The following AAMDC variants were observed in gnomAD, a reference collection of about 807,000 sequenced individuals.
AAMDC encodes the protein adipogenesis associated Mth938 domain containing, also known as mth938 domain-containing protein.
In AAMDC, 16 loss-of-function variants were observed where a neutral mutation model predicts 15.5. The ratio of observed to expected loss-of-function variants is 1.03; its 90% CI spans 0.70 to 1.57. The LOEUF is 1.57. AAMDC is among the 40% of genes most tolerant of loss of function. The probability of loss-of-function intolerance (pLI) is 0.00; values close to 1 mark genes in which losing one functional copy is unlikely to be tolerated. For synonymous variants in AAMDC, 51 were observed against 51.6 expected (o/e 0.99, Z 0.05); for missense variants, 141 against 144.9 (o/e 0.97, Z 0.14).
intron 2 of AAMDC, among the ~76,000 whole-genome samples, chr11:77,859,809 CTGGGT>C (rs1315088305): frequency 8.5e-5 from 13 of 152,170 alleles, no homozygotes; most frequent in Admixed American, 8.5e-4. Context: ...AGAAATGTGG[CTGGGT>C]TAAGAGTTGC....
At chr11:77,869,357 G>T (rs1400855472) in intron 2 of AAMDC, among the ~76,000 whole-genome samples, 1 of 137,636 alleles carries the variant, frequency 7.3e-6, no homozygotes, top group African/African-American at 2.8e-5. Context: ...GTGTTGCCCA[G>T]GATGGAGTGC....
At chr11:77,872,089 C>G (rs143888815) in intron 3 of AAMDC, 86 bp from the exon 4 acceptor site, 15,493 of 1,421,606 alleles carry the variant, frequency 0.011, 115 homozygotes, top group Non-Finnish European at 0.013. Context: ...CTGTCTAATT[C>G]TGTAGAGTAC....
At chr11:77,885,888 A>G (rs750001019) in intron 5 of AAMDC, among the ~76,000 whole-genome samples, 28 of 152,122 alleles carry the variant, frequency 1.8e-4, no homozygotes, top group Non-Finnish European at 3.5e-4. Flanking sequence ...CATGGGAAAA[A>G]CAAATGAACA....
intron 2 of AAMDC, among the ~76,000 whole-genome samples, chr11:77,867,551 G>C (rs1951174332): frequency 6.6e-6 from 1 of 152,208 alleles, no homozygotes; most frequent in Non-Finnish European, 1.5e-5. Context: ...ACAGAGTTAA[G>C]TTCTCAGTAA....
chr11:77,872,783 A>G (rs1476527285), downstream of AAMDC, among the ~76,000 whole-genome samples: 1 of 152,172 alleles, frequency 6.6e-6, no homozygotes, highest in Non-Finnish European at 1.5e-5. Flanking sequence ...CCCCATCTCT[A>G]TTAAAACTAC....
At chr11:77,852,004 A>G (rs1251872577) in intron 2 of AAMDC, among the ~76,000 whole-genome samples, 1 of 152,148 alleles carries the variant, frequency 6.6e-6, no homozygotes, top group Non-Finnish European at 1.5e-5. Context: ...ACATTCTGCC[A>G]CATTTGCTTT....
intron 1 of AAMDC, among the ~76,000 whole-genome samples, chr11:77,834,441 G>GTTTTTT (rs11438814): frequency 1.6e-3 from 166 of 105,406 alleles, no homozygotes; most frequent in Non-Finnish European, 1.8e-3. Flanking sequence ...AGTTGATTTT[G>GTTTTTT]TTTTTTTTTT....
At chr11:77,900,459 C>T (rs1186460179) in intron 5 of AAMDC, 20 of 550,570 alleles carry the variant, frequency 3.6e-5, no homozygotes, top group African/African-American at 2.5e-4. Flanking sequence ...TATCAAGATA[C>T]GTGAAGAAAT....
intron 2 of AAMDC, among the ~76,000 whole-genome samples, chr11:77,852,255 A>T (rs540030061): frequency 1.4e-5 from 2 of 145,970 alleles, no homozygotes; most frequent in Non-Finnish European, 3.1e-5. Context: ...GAAGAAGAAG[A>T]AGTTCAAAGA....
chr11:77,838,233 TTA>T (rs1410618007), intron 1 of AAMDC, among the ~76,000 whole-genome samples: 1 of 127,960 alleles, frequency 7.8e-6, no homozygotes, highest in Non-Finnish European at 1.9e-5. Flanking sequence ...ACTGTTAGTT[TTA>T]TGTGTCAACG....
At chr11:77,842,847 T>C (rs1949991439) in intron 2 of AAMDC, among the ~76,000 whole-genome samples, 1 of 152,258 alleles carries the variant, frequency 6.6e-6, no homozygotes, top group African/African-American at 2.4e-5. Context: ...CATAAACTTG[T>C]ACAACAGTTA....
intron 5 of AAMDC, among the ~76,000 whole-genome samples, chr11:77,897,757 G>A (rs552715508): frequency 2.6e-4 from 39 of 151,826 alleles, no homozygotes; most frequent in South Asian, 6.3e-4. Flanking sequence ...CACCCGATTC[G>A]GCCTCCCAAA....
At chr11:77,834,452 T>TG (rs1949592129) in intron 1 of AAMDC, among the ~76,000 whole-genome samples, 1 of 149,102 alleles carries the variant, frequency 6.7e-6, no homozygotes, top group East Asian at 1.9e-4. Flanking sequence ...TTTTTTTTTT[T>TG]TTTTTTTTTT....
downstream of AAMDC, among the ~76,000 whole-genome samples, chr11:77,903,002 T>A (rs1410249617): frequency 6.6e-6 from 1 of 152,212 alleles, no homozygotes. Context: ...ACTCCTAACC[T>A]TAAGTGATGT....
rs113249883 is a variant in AAMDC at position 77,850,196 on chromosome 11, A to G, written c.132+7568A>G. On this transcript the variant is annotated intron_variant, in intron 2 of 3. Coordinates refer to ENST00000393427, the MANE Select transcript of AAMDC (RefSeq NM_024684.4). ...TAAAAAAGGACAGAGCAGATTTTGT[A>G]GTGATTACAGAATGGAAACGTAAGA... Among the ~76,000 whole-genome samples the G allele has an allele frequency of 5.9e-5, 9 of 152,356 alleles. 1 individual carries two copies. Among genetic ancestry groups the G allele is most frequent in the African/African-American group, 1.9e-4 (8 of 41,588 alleles).
downstream of AAMDC, among the ~76,000 whole-genome samples, chr11:77,873,660 A>AATATT (rs2136327634): frequency 6.6e-6 from 1 of 152,342 alleles, no homozygotes; most frequent in African/African-American, 2.4e-5. Context: ...ATACAATGTT[A>AATATT]ATATTATAAT....
At chr11:77,878,078 C>T (rs1042988379) in intron 5 of AAMDC, among the ~76,000 whole-genome samples, 2 of 152,150 alleles carry the variant, frequency 1.3e-5, no homozygotes, top group Non-Finnish European at 2.9e-5. Context: ...GAATTTCCTT[C>T]AAAGCAAGGC....
chr11:77,890,041 A>G (rs1399393122), intron 5 of AAMDC, among the ~76,000 whole-genome samples: 1 of 152,228 alleles, frequency 6.6e-6, no homozygotes, highest in Non-Finnish European at 1.5e-5. Flanking sequence ...CCCTATTCTC[A>G]GGATTTTGAT....
chr11:77,900,424 T>C, intron 5 of AAMDC: 1 of 509,430 alleles, frequency 2.0e-6, no homozygotes. Context: ...TAAGATTAAA[T>C]GATTCTTTGA....
Sources: gnomAD v4.1 joint callset for allele counts (sites outside exome capture counted in the v4.1 genomes callset) on GRCh38, gnomAD v4.1.1 for gene constraint, MANE v1.5 for transcripts, NCBI Gene and HGNC (gene_info 2026-07-23, HGNC 2026-07-21) for gene names.